The following MAOA variants were observed in gnomAD, a reference collection of about 807,000 sequenced individuals.
MAOA encodes monoamine oxidase A, also known as amine oxidase [flavin-containing] A.
A neutral mutation model predicts 42.0 loss-of-function variants in MAOA; 6 were observed. That is an observed-to-expected ratio of 0.14 (90% CI 0.08 to 0.28). The LOEUF (loss-of-function observed/expected upper bound fraction) is 0.28. MAOA is among the 10% of genes least tolerant of loss of function. The pLI is 1.00. For synonymous variants in MAOA, 140 were observed against 154.0 expected, an observed-to-expected ratio of 0.91 and a Z score of 0.67; for missense variants, 262 against 422.3, an observed-to-expected ratio of 0.62 and a Z score of 3.33.
chrX:43,742,743 G>A (rs889422345), intron 12 of MAOA, among the ~76,000 whole-genome samples: 1 of 112,181 alleles, frequency 8.9e-6, no homozygotes, highest in African/African-American at 3.2e-5. Context: ...GATGGGAGGG[G>A]AGGCACTTTT....
intron 5 of MAOA, among the ~76,000 whole-genome samples, chrX:43,718,226 C>T (rs1031305466): frequency 9.5e-6 from 1 of 105,457 alleles, no homozygotes; most frequent in African/African-American, 3.5e-5. Flanking sequence ...TTCACAGAGG[C>T]AGGGGGAGAC....
At chrX:43,688,565 A>G (rs2033507489) in intron 2 of MAOA, among the ~76,000 whole-genome samples, 1 of 112,402 alleles carries the variant, frequency 8.9e-6, no homozygotes, top group Non-Finnish European at 1.9e-5. Flanking sequence ...GTGGTCAGAG[A>G]ATATTGTTTC....
chrX:43,681,091 C>G (rs190499394), intron 1 of MAOA, among the ~76,000 whole-genome samples: 217 of 110,854 alleles, frequency 2.0e-3, no homozygotes, highest in African/African-American at 6.8e-3. Context: ...AGCCTTCTTG[C>G]TTTCTGGTAT....
At chrX:43,667,909 C>A (rs1269761648) in intron 1 of MAOA, among the ~76,000 whole-genome samples, 1 of 112,038 alleles carries the variant, frequency 8.9e-6, no homozygotes, top group Non-Finnish European at 1.9e-5. Context: ...TTATTTATTT[C>A]AAAGAACTTT....
rs760170646 is a variant in MAOA, at chrX:43,720,030, G to A, written c.503+7234G>A. ...TGTGTAGGGGTATAGTATCTTTCAG[G>A]AACGTGACACAGGCACTGCGGGGAG... On this transcript the variant is annotated intron_variant, in intron 5 of 14. Coordinates refer to ENST00000338702, the MANE Select transcript of MAOA (RefSeq NM_000240.4). 3.6e-5 allele frequency among the ~76,000 whole-genome samples: 4 copies of A among 110,709 alleles called. No individual in the cohort carries two copies. The East Asian group carries it at 8.6e-4, about 24-fold the overall frequency.
chrX:43,669,064 A>AT (rs1244124359), intron 1 of MAOA, among the ~76,000 whole-genome samples: 2 of 110,206 alleles, frequency 1.8e-5, no homozygotes, highest in Non-Finnish European at 3.8e-5. Flanking sequence ...AAGTGAGCTT[A>AT]TTTTTTTCCA....
chrX:43,664,044 A>C (rs776180052), intron 1 of MAOA, among the ~76,000 whole-genome samples: 2 of 112,279 alleles, frequency 1.8e-5, no homozygotes, highest in Non-Finnish European at 3.8e-5. Context: ...TCACTGTCCT[A>C]ATAGTGTAAT....
In MAOA at chrX:43,715,029, G is replaced by C. The variant is rs2033731274; in HGVS notation, c.503+2233G>C. 3.6e-5 allele frequency among the ~76,000 whole-genome samples: 4 copies of C among 110,995 alleles called. No homozygotes were observed. The South Asian group carries it at 1.5e-3, about 43-fold the overall frequency. On this transcript the variant is annotated intron_variant, in intron 5 of 14. Transcript: ENST00000338702. ...TGATGTATTCCAGAAATGACCCACA[G>C]GGCAAGGGGTAGATACAAAGGTGGA... is the stretch of plus-strand genomic sequence containing the variant.
intron 9 of MAOA, among the ~76,000 whole-genome samples, chrX:43,734,132 CTTTTTTTTTT>C (rs745875170): frequency 6.4e-5 from 4 of 62,434 alleles, no homozygotes; most frequent in Non-Finnish European, 9.9e-5. Flanking sequence ...TTTGGGCTTT[CTTTTTTTTTT>C]TTTTTTTTTG....
chrX:43,692,038 C>CACAT (rs2033539530), intron 2 of MAOA, among the ~76,000 whole-genome samples: 1 of 20,662 alleles, frequency 4.8e-5, no homozygotes, highest in African/African-American at 2.0e-4. Flanking sequence ...CACACACACA[C>CACAT]GCACGCACAC....
chrX:43,677,066 T>C (rs921472831), intron 1 of MAOA, among the ~76,000 whole-genome samples: 1 of 111,469 alleles, frequency 9.0e-6, no homozygotes, highest in Admixed American at 9.6e-5. Flanking sequence ...TGTGATAGAA[T>C]AATGTGAATA....
chrX:43,724,372 A>C (rs186794849), intron 5 of MAOA, among the ~76,000 whole-genome samples: 1 of 111,732 alleles, frequency 8.9e-6, no homozygotes, highest in East Asian at 2.8e-4. Flanking sequence ...TTATTGGTCT[A>C]TTCAGAGATT....
Position 43,724,901 on chromosome X carries a change from A to T in MAOA, c.504-3272A>T, listed in dbSNP as rs957790363. Among the ~76,000 whole-genome samples the T allele has an allele frequency of 2.1e-4, 24 of 112,111 alleles. 1 individual carries two copies. In the Admixed American group the frequency reaches 2.2e-3, roughly 10 times the overall value. On this transcript the variant is annotated intron_variant, in intron 5 of 14. Transcript: ENST00000338702. Reference sequence around the variant, plus strand: ...TTTGTTCTCATTCGTTTCAAAGAACATCTTTATTTCTGTCTTCATTTTGTT... The same window carrying T: ...TTTGTTCTCATTCGTTTCAAAGAACTTCTTTATTTCTGTCTTCATTTTGTT...
At chrX:43,728,887 C>T (rs918776322) in intron 6 of MAOA, among the ~76,000 whole-genome samples, 1 of 113,115 alleles carries the variant, frequency 8.8e-6, no homozygotes, top group Non-Finnish European at 1.9e-5. Flanking sequence ...GAATTCATTT[C>T]GTTCATTGGC....
intron 1 of MAOA, among the ~76,000 whole-genome samples, chrX:43,666,784 T>G (rs981289708): frequency 2.7e-5 from 3 of 111,156 alleles, no homozygotes; most frequent in African/African-American, 9.8e-5. Context: ...TTTTCTAGTC[T>G]CATATTCTCC....
intron 3 of MAOA, among the ~76,000 whole-genome samples, chrX:43,700,265 C>A (rs911342146): frequency 8.9e-6 from 1 of 112,101 alleles, no homozygotes; most frequent in African/African-American, 3.2e-5. Context: ...CAGCTCTAAG[C>A]CCAGTGTTCT....
At chrX:43,707,946 A>G (rs575688437) in intron 3 of MAOA, among the ~76,000 whole-genome samples, 1 of 111,963 alleles carries the variant, frequency 8.9e-6, no homozygotes, top group South Asian at 3.7e-4. Context: ...AGGAAATGCT[A>G]TTTTGCTTAC....
chrX:43,730,483 G>A (rs1173623547), intron 6 of MAOA, among the ~76,000 whole-genome samples: 3 of 104,164 alleles, frequency 2.9e-5, no homozygotes, highest in African/African-American at 1.0e-4. Flanking sequence ...CTGATATTCC[G>A]AATCTTTTTT....
At chrX:43,700,622 G>C (rs748263465) in intron 3 of MAOA, among the ~76,000 whole-genome samples, 12 of 111,800 alleles carry the variant, frequency 1.1e-4, no homozygotes, top group Non-Finnish European at 2.1e-4. Context: ...GTCCCAGTTA[G>C]GCTCAGCAGG....
Sources: allele counts gnomAD v4.1 joint callset (sites outside exome capture counted in the v4.1 genomes callset), GRCh38; gene constraint gnomAD v4.1.1; transcripts MANE v1.5; gene names NCBI Gene and HGNC (gene_info 2026-07-23, HGNC 2026-07-21).